POU3F3: variants seen among roughly 807,000 people sequenced by gnomAD.
POU3F3 encodes POU class 3 homeobox 3.
A neutral mutation model predicts 8.6 loss-of-function variants in POU3F3; 1 was observed. The ratio of observed to expected loss-of-function variants is 0.12; its 90% CI spans 0.04 to 0.55. The LOEUF (loss-of-function observed/expected upper bound fraction) is 0.55, where lower values mean the gene tolerates loss of function less well. Ranked by LOEUF, POU3F3 falls within the 20% of genes least tolerant of loss-of-function variation. POU3F3 has a pLI of 0.91. For synonymous variants in POU3F3, 418 were observed against 327.4 expected (o/e 1.28, Z -2.99); for missense variants, 577 against 690.7 (o/e 0.84, Z 1.84).
chr2:104,855,735 C>A lies in POU3F3; in HGVS notation c.225C>A (p.Ser75Arg). The A allele has an allele frequency of 7.7e-7, 1 of 1,300,936 alleles. No individual in the cohort carries two copies. The highest frequency in any genetic ancestry group is 1.0e-6 in the Non-Finnish European group (1 of 1,000,646). The allele number at this position is 1,300,936 out of a possible 1,614,324, so 80.6% of individuals were successfully genotyped here. Reference sequence around the variant, plus strand: ...CGTCCTCTGTCAAGATGGTCCAGAGCGACTTCATGCAGGGGGCCATGGCCG... The same window carrying A: ...CGTCCTCTGTCAAGATGGTCCAGAGAGACTTCATGCAGGGGGCCATGGCCG... Reference protein sequence around the residue: ...GDPSSVKMVQSDFMQGAMAAS... With the variant: ...GDPSSVKMVQRDFMQGAMAAS... Residue 75 changes from serine (S) to arginine (R), a missense_variant, in exon 1 of 1, where the codon AGC (serine) becomes AGA (arginine). Around this residue, in one of 7 missense-constraint regions of POU3F3, gnomAD observed 484 missense variants for 422.6 expected, o/e 1.15. Coordinates refer to ENST00000361360, the MANE Select transcript of POU3F3 (RefSeq NM_006236.3).
the POU3F3 span, among the ~76,000 whole-genome samples, chr2:104,865,163 C>A: frequency 1.3e-5 from 2 of 152,174 alleles, no homozygotes; most frequent in African/African-American, 2.4e-5. Flanking sequence ...AGTTACCTGG[C>A]GAAACTGAGT....
the POU3F3 span, among the ~76,000 whole-genome samples, chr2:104,881,736 G>A: frequency 2.0e-5 from 3 of 152,140 alleles, no homozygotes; most frequent in African/African-American, 4.8e-5. Flanking sequence ...GTGATTTGTT[G>A]GGAGGGTTCC....
At chr2:104,904,954 T>G in the POU3F3 span, among the ~76,000 whole-genome samples, 104,364 of 151,998 alleles carry the variant, frequency 0.69, 36,360 homozygotes, top group East Asian at 0.87. Context: ...TCACGAAACA[T>G]GTAGGAAATG....
At chr2:104,881,301 G>A in the POU3F3 span, among the ~76,000 whole-genome samples, 1 of 151,932 alleles carries the variant, frequency 6.6e-6, no homozygotes, top group Non-Finnish European at 1.5e-5. Context: ...GGGACCTCAG[G>A]TGTACACCAC....
At chr2:104,924,650 G>A in the POU3F3 span, among the ~76,000 whole-genome samples, 8 of 152,250 alleles carry the variant, frequency 5.3e-5, no homozygotes, top group East Asian at 1.2e-3. Context: ...AATGGTTTTC[G>A]AATTCATTTT....
rs1363750134 is a variant in POU3F3, at chr2:104,856,083, C to G, written c.573C>G (p.Ala191=). 1.2e-4 allele frequency: 126 copies of G among 1,024,706 alleles called. No homozygotes were observed. The highest frequency in any genetic ancestry group is 2.4e-4 in the Admixed American group (4 of 16,768). 63.5% of individuals were successfully genotyped at this position (1,024,706 alleles called of 1,614,324 possible). The change falls in exon 1 of 1, where the codon GCC becomes GCG. Residue 191 remains alanine, a synonymous_variant. Transcript: ENST00000361360. The part of the protein sequence containing the change: ...QGHPGGWGAA[A]AAAAAAAAAA... The stretch of plus-strand genomic sequence containing the variant: ...ACCCTGGGGGCTGGGGGGCGGCCGC[C>G]GCTGCCGCAGCCGCAGCCGCCGCCG...
At chr2:104,876,938 C>T in the POU3F3 span, among the ~76,000 whole-genome samples, 1 of 152,190 alleles carries the variant, frequency 6.6e-6, no homozygotes. Context: ...CACCCAGCAC[C>T]TCAGTCTGGC....
Position 104,855,216 on chromosome 2 carries a change from G to C in POU3F3, c.-295G>C, listed in dbSNP as rs1442194644. ...TCCCCAGAGCGCTGCTCCTGCGGCT[G>C]CTGCTGCTGCTGGTGACCAAGGCCG... is the stretch of plus-strand genomic sequence containing the variant. On this transcript the variant is annotated 5_prime_UTR_variant, in exon 1 of 1. Coordinates refer to ENST00000361360, the MANE Select transcript of POU3F3 (RefSeq NM_006236.3). Among the ~76,000 whole-genome samples, 1 of 151,000 alleles carries C rather than the reference G, an allele frequency of 6.6e-6. No individual in the cohort carries two copies. Among genetic ancestry groups the C allele is most frequent in the Admixed American group, 6.6e-5 (1 of 15,172 alleles).
chr2:104,907,319 G>A, the POU3F3 span, among the ~76,000 whole-genome samples: 1 of 152,240 alleles, frequency 6.6e-6, no homozygotes, highest in Non-Finnish European at 1.5e-5. Context: ...ATCTGTCCCT[G>A]ACCTCTCTAA....
the POU3F3 span, among the ~76,000 whole-genome samples, chr2:104,925,663 A>G: frequency 6.6e-6 from 1 of 152,218 alleles, no homozygotes; most frequent in African/African-American, 2.4e-5. Context: ...AATGAAAGCT[A>G]AATGATTAGT....
At chr2:104,892,255 G>A in the POU3F3 span, among the ~76,000 whole-genome samples, 1 of 152,226 alleles carries the variant, frequency 6.6e-6, no homozygotes, top group Non-Finnish European at 1.5e-5. Flanking sequence ...GAGAGCAAGA[G>A]CATGGGAATA....
chr2:104,877,320 C>G, the POU3F3 span, among the ~76,000 whole-genome samples: 1 of 152,148 alleles, frequency 6.6e-6, no homozygotes, highest in African/African-American at 2.4e-5. Flanking sequence ...GCGATTAGCT[C>G]TCCCTCCAAC....
upstream of POU3F3, chr2:104,853,812 C>G (rs1573317650): frequency 6.6e-6 from 1 of 151,048 alleles, no homozygotes; most frequent in Non-Finnish European, 1.5e-5. Flanking sequence ...GGAACGCCAA[C>G]GTCTGGGCCG....
chr2:104,865,692 C>T, the POU3F3 span: 7 of 152,192 alleles, frequency 4.6e-5, no homozygotes, highest in African/African-American at 1.2e-4. Flanking sequence ...AAACCCACCA[C>T]GCTCATTGTA....
At chr2:104,898,568 A>C in the POU3F3 span, among the ~76,000 whole-genome samples, 1 of 152,228 alleles carries the variant, frequency 6.6e-6, no homozygotes, top group African/African-American at 2.4e-5. Flanking sequence ...ACATATAAAG[A>C]GTTAATTAAA....
At chr2:104,918,356 G>C in the POU3F3 span, among the ~76,000 whole-genome samples, 1 of 152,330 alleles carries the variant, frequency 6.6e-6, no homozygotes, top group South Asian at 2.1e-4. Flanking sequence ...AGTGTTATGG[G>C]TTGAATTGGG....
the POU3F3 span, among the ~76,000 whole-genome samples, chr2:104,890,083 G>A: frequency 1.3e-5 from 2 of 152,056 alleles, no homozygotes; most frequent in Non-Finnish European, 1.5e-5. Context: ...TGACCGTCAC[G>A]GGACTCTCAG....
chr2:104,864,260 C>T, the POU3F3 span, among the ~76,000 whole-genome samples: 1 of 152,238 alleles, frequency 6.6e-6, no homozygotes, highest in African/African-American at 2.4e-5. Context: ...AAGCTGCAGA[C>T]GGAGGCCGTG....
chr2:104,872,178 C>T, the POU3F3 span: 2 of 453,608 alleles, frequency 4.4e-6, no homozygotes, highest in South Asian at 1.6e-5. This position sits in a 1 kb window ranked among gnomAD's most constrained non-coding sequence, Gnocchi z 4.6. Context: ...TGCCCTGCGC[C>T]CGCCGGCTGC....
Sources: allele counts gnomAD v4.1 joint callset (sites outside exome capture counted in the v4.1 genomes callset), GRCh38; gene constraint gnomAD v4.1.1; regional missense constraint gnomAD v4.1.1; non-coding constraint Gnocchi (gnomAD v3.1); transcripts MANE v1.5; gene names NCBI Gene and HGNC (gene_info 2026-07-23, HGNC 2026-07-21).